Variants in ARID4B observed in about 807,000 individuals in gnomAD.
ARID4B encodes the protein AT-rich interaction domain 4B, also known as AT-rich interactive domain-containing protein 4B.
A neutral mutation model predicts 147.5 loss-of-function variants in ARID4B; 26 were observed. The observed-to-expected ratio is 0.18, with a 90% CI of 0.13 to 0.24. The LOEUF (loss-of-function observed/expected upper bound fraction) is 0.24. ARID4B is among the 10% of genes least tolerant of loss of function. ARID4B has a pLI of 1.00. For missense variants in ARID4B, 1,179 were observed against 1,511.5 expected, an observed-to-expected ratio of 0.78 and a Z score of 3.65; for synonymous variants, 512 against 507.9, an observed-to-expected ratio of 1.01 and a Z score of -0.11.
intron 19 of ARID4B, among the ~76,000 whole-genome samples, chr1:235,186,110 C>T (rs540932087): frequency 2.0e-5 from 3 of 152,120 alleles, no homozygotes; most frequent in South Asian, 2.1e-4. Context: ...GCTGGGACTA[C>T]AGGTGCATGC....
chr1:235,275,842 T>C (rs1572134098), intron 2 of ARID4B, among the ~76,000 whole-genome samples: 2 of 152,196 alleles, frequency 1.3e-5, no homozygotes, highest in East Asian at 1.9e-4. Context: ...TGTCAAAATA[T>C]ACAAAAATCC....
At chr1:235,256,489 G>A (rs768883949) in intron 4 of ARID4B, among the ~76,000 whole-genome samples, 14 of 152,148 alleles carry the variant, frequency 9.2e-5, no homozygotes, top group Non-Finnish European at 1.6e-4. Flanking sequence ...AGCACATAGT[G>A]GTTTACCCAC....
In ARID4B at chr1:235,177,847, C is replaced by A. The variant is rs200188872; in HGVS notation, c.3401G>T (p.Arg1134Ile). Residue 1134 changes from arginine (R) to isoleucine (I), a missense_variant, in exon 21 of 24, where the codon AGA becomes ATA. By Grantham distance (97) the Arg-to-Ile change is moderately conservative. Coordinates refer to ENST00000264183, the MANE Select transcript of ARID4B (RefSeq NM_016374.6). ...GTTTACCACTGTTGCTTTATGGCTT[C>A]TTTTCTGCTTTTTTGATGAACTTCC... ...GGGSSSKKQK[R>I]SHKATVVNNK... 6.2e-7 allele frequency: 1 copy of A among 1,611,860 alleles called. No individual in the cohort carries two copies. The highest frequency in any genetic ancestry group is 8.5e-7 in the Non-Finnish European group (1 of 1,178,994).
chr1:235,316,176 G>A (rs370125799), intron 2 of ARID4B, among the ~76,000 whole-genome samples: 10 of 152,078 alleles, frequency 6.6e-5, no homozygotes, highest in South Asian at 6.2e-4. Context: ...GGAATTCAAC[G>A]AGGTAAACAT....
Position 235,223,163 on chromosome 1 carries a change from C to A in ARID4B, c.1065+3G>T. On this transcript the variant is annotated splice_donor_region_variant and intron_variant, in intron 13 of 23. Transcript: ENST00000264183. ...GATGTTTCAGTTTGACTACAACACTCACATTATCAAATCCTCCAAGTTTGT... is the reference window on the plus strand; with the variant it reads ...GATGTTTCAGTTTGACTACAACACTAACATTATCAAATCCTCCAAGTTTGT... 6.5e-7 allele frequency: 1 copy of A among 1,537,264 alleles called. No individual in the cohort carries two copies. Among genetic ancestry groups the A allele is most frequent in the South Asian group, 1.2e-5 (1 of 85,256 alleles).
chr1:235,239,021 C>T (rs576786898), intron 8 of ARID4B, among the ~76,000 whole-genome samples: 76 of 146,550 alleles, frequency 5.2e-4, no homozygotes, highest in African/African-American at 1.8e-3. Context: ...CTTGCTCTGT[C>T]GCCCACACTG....
At chr1:235,235,494 T>C (rs1253501730) in intron 8 of ARID4B, among the ~76,000 whole-genome samples, 1 of 152,244 alleles carries the variant, frequency 6.6e-6, no homozygotes, top group African/African-American at 2.4e-5. Context: ...GTGATGACAC[T>C]GGTGTATGAG....
intron 8 of ARID4B, among the ~76,000 whole-genome samples, chr1:235,238,619 G>A (rs562207427): frequency 5.9e-5 from 9 of 152,332 alleles, no homozygotes; most frequent in Admixed American, 5.2e-4. Flanking sequence ...ACTCTGGGAA[G>A]CCAAGGTGGG....
Position 235,255,283 on chromosome 1 carries a change from C to A in ARID4B, c.274+377G>T, listed in dbSNP as rs1202373582. ...GATAGATATATATCTCTCTCTCTCT[C>A]TCTCTATATATATATATACACAGTT... On this transcript the variant is annotated intron_variant, in intron 5 of 23. Transcript: ENST00000264183. 5.1e-3 allele frequency among the ~76,000 whole-genome samples: 466 copies of A among 91,220 alleles called. 1 individual carries two copies. Among genetic ancestry groups the A allele is most frequent in the Middle Eastern group, 0.019 (3 of 162 alleles). The allele number at this position is 91,220 out of a possible 152,430, so 59.8% of individuals were successfully genotyped here. A position where few individuals can be genotyped will look rare whatever the true frequency, so the allele number is the denominator to read the frequency against.
chr1:235,207,009 T>TC (rs1666348165), intron 17 of ARID4B, among the ~76,000 whole-genome samples: 1 of 152,232 alleles, frequency 6.6e-6, no homozygotes. Flanking sequence ...ATGTCTTTGA[T>TC]CAGTCAAGAA....
intron 2 of ARID4B, among the ~76,000 whole-genome samples, chr1:235,289,497 G>C (rs185509357): frequency 6.6e-6 from 1 of 152,236 alleles, no homozygotes; most frequent in Non-Finnish European, 1.5e-5. Flanking sequence ...GCCGAGGTAG[G>C]TGAGGTGCTT....
chr1:235,236,925 T>C (rs10925190), intron 8 of ARID4B, among the ~76,000 whole-genome samples: 4,351 of 124,048 alleles, frequency 0.035, 334 homozygotes, highest in African/African-American at 0.13. Context: ...CAGGCTGGAA[T>C]GCAGTGGTGT....
chr1:235,240,864 G>A (rs1447312825), intron 7 of ARID4B, among the ~76,000 whole-genome samples: 1 of 152,158 alleles, frequency 6.6e-6, no homozygotes, highest in Non-Finnish European at 1.5e-5. Flanking sequence ...AAAGGTAGGA[G>A]AGCAGACCTT....
chr1:235,200,285 C>G (rs780833534), intron 17 of ARID4B, among the ~76,000 whole-genome samples: 23 of 152,154 alleles, frequency 1.5e-4, no homozygotes, highest in Non-Finnish European at 2.9e-4. Flanking sequence ...ATGGTGAAAC[C>G]GTGTCTCTAC....
chr1:235,264,047 TGAAA>T (rs1445111568), intron 2 of ARID4B, among the ~76,000 whole-genome samples: 1 of 152,016 alleles, frequency 6.6e-6, no homozygotes, highest in Non-Finnish European at 1.5e-5. Context: ...CTGCTAAAAC[TGAAA>T]CACATCATCA....
rs1461082560 is a variant in ARID4B, at chr1:235,173,839, ACCT to A, written c.3665-1078_3665-1076del. ...GTATACCTAAAACATATATATATAT[ACCT>A]TTTTTTAAATGAAGATTTATGAAGA... On this transcript the variant is annotated intron_variant, in intron 22 of 23. Coordinates refer to ENST00000264183, the MANE Select transcript of ARID4B (RefSeq NM_016374.6). 9.8e-5 allele frequency among the ~76,000 whole-genome samples: 12 copies of A among 122,300 alleles called. No homozygotes were observed. The East Asian group carries it at 2.6e-3, about 27-fold the overall frequency. 80.2% of individuals were successfully genotyped at this position (122,300 alleles called of 152,430 possible).
chr1:235,198,748 T>G (rs1490486595), intron 17 of ARID4B, among the ~76,000 whole-genome samples: 1 of 152,232 alleles, frequency 6.6e-6, no homozygotes, highest in Non-Finnish European at 1.5e-5. Flanking sequence ...TGAAACAAAC[T>G]ACATACATAG....
chr1:235,291,349 G>C (rs765276488), intron 2 of ARID4B, among the ~76,000 whole-genome samples: 1 of 151,892 alleles, frequency 6.6e-6, no homozygotes, highest in Admixed American at 6.6e-5. Flanking sequence ...CAGAGGTTGC[G>C]GTGAGCTGAG....
At chr1:235,173,771 AATATATATATATATATATATATATAT>A (rs1169414831) in intron 22 of ARID4B, among the ~76,000 whole-genome samples, 45 of 32,352 alleles carry the variant, frequency 1.4e-3, no homozygotes, top group East Asian at 3.1e-3. Flanking sequence ...AAAAAAAAAA[AATATATATATATATATATATATATAT>A]ATATATATAT....
Sources: gnomAD v4.1 joint callset for allele counts (sites outside exome capture counted in the v4.1 genomes callset) on GRCh38, gnomAD v4.1.1 for gene constraint, MANE v1.5 for transcripts, NCBI Gene and HGNC (gene_info 2026-07-23, HGNC 2026-07-21) for gene names.